Variants in IVL observed in about 807,000 individuals in gnomAD.
The protein encoded by IVL is involucrin.
For missense variants in IVL, 722 were observed against 624.9 expected (o/e 1.16, Z -1.66); for synonymous variants, 257 against 271.0 (o/e 0.95, Z 0.51).
In IVL at chr1:152,911,675, T is replaced by C. The variant is rs1472918581; in HGVS notation, c.*120T>C. ...TCATCTGTGAACTTGACTCTGTCCCTCTACATGTCTCTTTAATGGGGTGAG... is the reference window on the plus strand; with the variant it reads ...TCATCTGTGAACTTGACTCTGTCCCCCTACATGTCTCTTTAATGGGGTGAG... On this transcript the variant is annotated 3_prime_UTR_variant, in exon 2 of 2. Coordinates refer to ENST00000368764, the MANE Select transcript of IVL (RefSeq NM_005547.4). The C allele has an allele frequency of 2.1e-6, 2 of 942,120 alleles. No homozygotes were observed. Among genetic ancestry groups the C allele is most frequent in the East Asian group, 2.5e-5 (1 of 40,720 alleles). 58.4% of individuals were successfully genotyped at this position (942,120 alleles called of 1,614,324 possible). A position where few individuals can be genotyped will look rare whatever the true frequency, so the allele number is the denominator to read the frequency against.
Position 152,910,811 on chromosome 1 carries a change from G to T in IVL, c.1014G>T (p.Glu338Asp). 9 of 1,550,926 alleles carry T rather than the reference G, an allele frequency of 5.8e-6. No homozygotes were observed. Among genetic ancestry groups the T allele is most frequent in the Non-Finnish European group, 7.8e-6 (9 of 1,147,026 alleles). The change falls in exon 2 of 2, where the codon GAG (glutamate) becomes GAT (aspartate). Residue 338 changes from glutamate to aspartate, a missense_variant. By Grantham distance (45) the Glu-to-Asp change is conservative (BLOSUM62 2). Coordinates refer to ENST00000368764, the MANE Select transcript of IVL (RefSeq NM_005547.4). ...AGGGGCAACTGGAGCAGCTGGAGGAGCAGGAGGGGCAGCTGAAGCACCTGG... is the reference window on the plus strand; with the variant it reads ...AGGGGCAACTGGAGCAGCTGGAGGATCAGGAGGGGCAGCTGAAGCACCTGG... ...QQEGQLEQLE[E>D]QEGQLKHLEQ...
At position 152,911,313 on chromosome 1, in the gene IVL, C is replaced by G. The variant is rs141266953; in HGVS notation, c.1516C>G (p.Gln506Glu). 1.2e-4 allele frequency: 187 copies of G among 1,575,792 alleles called. No individual in the cohort carries two copies. Among genetic ancestry groups the G allele is most frequent in the Non-Finnish European group, 1.5e-4 (174 of 1,160,934 alleles). ...QVGQPKHLEQ[Q>E]EKHLEHPEQQ... ...AGGACAGCCAAAGCACCTGGAACAGCAGGAAAAGCACCTAGAGCACCCAGA... is the reference window on the plus strand; with the variant it reads ...AGGACAGCCAAAGCACCTGGAACAGGAGGAAAAGCACCTAGAGCACCCAGA... The change falls in exon 2 of 2, where the codon CAG becomes GAG. Residue 506 changes from glutamine (Q) to glutamate (E), a missense_variant. Gln to Glu is a conservative substitution (Grantham distance 29, BLOSUM62 2). Coordinates refer to ENST00000368764, the MANE Select transcript of IVL (RefSeq NM_005547.4).
Position 152,910,070 on chromosome 1 carries a change from C to T in IVL, c.273C>T (p.His91=), listed in dbSNP as rs1015904156. 6.2e-7 allele frequency: 1 copy of T among 1,614,062 alleles called. No individual in the cohort carries two copies. Among genetic ancestry groups the T allele is most frequent in the African/African-American group, 1.3e-5 (1 of 74,928 alleles). ...EPQEQELQQQ[H]WEQHEEYQKA... ...AGGAGCAGGAGCTGCAGCAACAGCA[C>T]TGGGAACAGCATGAGGAATATCAGA... The change falls in exon 2 of 2, where the codon CAC becomes CAT. Residue 91 remains histidine, a synonymous_variant. Transcript: ENST00000368764.
In IVL at chr1:152,911,237, G is replaced by A. The variant is rs1482597093; in HGVS notation, c.1440G>A (p.Val480=). Residue 480 remains valine (V), a synonymous_variant, in exon 2 of 2, where the codon GTG becomes GTA. Coordinates refer to ENST00000368764, the MANE Select transcript of IVL (RefSeq NM_005547.4). ...LELPEQQEGQ[V]KHLEKQEAQL... ...TCCCAGAGCAGCAAGAGGGCCAGGT[G>A]AAGCACCTGGAGAAGCAGGAGGCAC... The A allele has an allele frequency of 1.3e-6, 2 of 1,555,508 alleles. No homozygotes were observed. Among genetic ancestry groups the A allele is most frequent in the East Asian group, 2.4e-5 (1 of 41,616 alleles).
In IVL at chr1:152,911,133, C is replaced by T. The variant is rs770903615; in HGVS notation, c.1336C>T (p.Gln446Ter). Residue 446 changes from glutamine to a stop codon, truncating the protein, a stop_gained, in exon 2 of 2, where the codon CAG becomes TAG. Transcript: ENST00000368764. LOFTEE classifies it low-confidence loss of function (END_TRUNC). ...GGGACAACTGAAGCATCTGGAGCAG[C>T]AGCAGGGGCAGTTGGAGGTCCCAGA... Reference protein sequence around the residue: ...QEGQLKHLEQQQGQLEVPEQQ... With the variant: ...QEGQLKHLEQ 6 of 1,556,586 alleles carry T rather than the reference C, an allele frequency of 3.9e-6. No homozygotes were observed. The highest frequency in any genetic ancestry group is 2.0e-5 in the Admixed American group (1 of 50,842).
At position 152,911,552 on chromosome 1, in the gene IVL, A is replaced by G; in HGVS notation, c.1755A>G (p.Lys585=). Residue 585 remains lysine, a synonymous_variant, in exon 2 of 2, where the codon AAA becomes AAG. Coordinates refer to ENST00000368764, the MANE Select transcript of IVL (RefSeq NM_005547.4). Reference sequence around the variant, plus strand: ...AGGTGCAGTGGCCACCCAAACATAAATAACCACCCGCAGTGTCCAGAGGCC... The same window carrying G: ...AGGTGCAGTGGCCACCCAAACATAAGTAACCACCCGCAGTGTCCAGAGGCC... ...KQEVQWPPKH[K] 1 of 1,608,484 alleles carries G rather than the reference A, an allele frequency of 6.2e-7. No homozygotes were observed. The highest frequency in any genetic ancestry group is 8.5e-7 in the Non-Finnish European group (1 of 1,177,246).
chr1:152,909,717 C>G lies in IVL; in HGVS notation c.-19-62C>G. On this transcript the variant is annotated intron_variant, in intron 1 of 1. Transcript: ENST00000368764. ...AAAAAACCAGATACTTCTGCAGATT[C>G]CCAAGGTTTCATCTATTTCCTTTGC... The G allele has an allele frequency of 2.2e-6, 3 of 1,358,476 alleles. No homozygotes were observed. The East Asian group carries it at 7.0e-5, about 32-fold the overall frequency. 84.2% of individuals were successfully genotyped at this position (1,358,476 alleles called of 1,614,324 possible). A position where few individuals can be genotyped will look rare whatever the true frequency, so the allele number is the denominator to read the frequency against.
rs190623998 is a variant in IVL, at chr1:152,911,090, G to A, written c.1293G>A (p.Lys431=). 3.3e-5 allele frequency: 52 copies of A among 1,552,684 alleles called. No homozygotes were observed. In the Admixed American group the frequency reaches 7.5e-4, roughly 22 times the overall value. ...TGGAGCAGCAGGTGGGGCAGCTGAA[G>A]CACCTAGAGGAGCAGGAGGGACAAC... is the stretch of plus-strand genomic sequence containing the variant. ...EHLEQQVGQL[K]HLEEQEGQLK... Residue 431 remains lysine (K), a synonymous_variant, in exon 2 of 2, where the codon AAG becomes AAA. Transcript: ENST00000368764.
chr1:152,910,916 G>A lies in IVL; in HGVS notation c.1119G>A (p.Leu373=). Residue 373 remains leucine, a synonymous_variant, in exon 2 of 2, where the codon CTG becomes CTA. Coordinates refer to ENST00000368764, the MANE Select transcript of IVL (RefSeq NM_005547.4). ...LGLPEQQVLQ[L]KQLEKQQGQP... ...TCCCAGAGCAGCAGGTGCTGCAGCT[G>A]AAGCAGCTAGAGAAGCAGCAGGGGC... 2 of 1,549,646 alleles carry A rather than the reference G, an allele frequency of 1.3e-6. No individual in the cohort carries two copies. The highest frequency in any genetic ancestry group is 1.7e-6 in the Non-Finnish European group (2 of 1,146,584).
Position 152,909,916 on chromosome 1 carries a change from T to A in IVL, c.119T>A (p.Leu40Gln), listed in dbSNP as rs532183819. 1.2e-6 allele frequency: 2 copies of A among 1,614,156 alleles called. No homozygotes were observed. The highest frequency in any genetic ancestry group is 2.7e-5 in the African/African-American group (2 of 75,042). ...HQEQMKQPTP[L>Q]PPPCQKVPVE... is the part of the protein sequence containing the mutation. The stretch of plus-strand genomic sequence containing the variant: ...GAGCAAATGAAACAGCCAACTCCAC[T>A]GCCTCCCCCATGCCAGAAGGTGCCT... The change falls in exon 2 of 2, where the codon CTG becomes CAG. Residue 40 changes from leucine to glutamine, a missense_variant. Transcript: ENST00000368764.
chr1:152,909,513 C>A (rs1225772514), intron 1 of IVL, among the ~76,000 whole-genome samples: 2 of 152,128 alleles, frequency 1.3e-5, no homozygotes, highest in East Asian at 1.9e-4. Flanking sequence ...CCTGACCCAC[C>A]CTTGCAGAAC....
intron 1 of IVL, among the ~76,000 whole-genome samples, chr1:152,908,917 C>T (rs1056977295): frequency 6.6e-6 from 1 of 152,116 alleles, no homozygotes; most frequent in East Asian, 1.9e-4. Flanking sequence ...CATCATTTTG[C>T]CTTCTTTATG....
In IVL at chr1:152,911,575, G is replaced by A. The variant is rs1170728420; in HGVS notation, c.*20G>A. 14 of 1,582,222 alleles carry A rather than the reference G, an allele frequency of 8.8e-6. No homozygotes were observed. The highest frequency in any genetic ancestry group is 1.2e-5 in the Non-Finnish European group (14 of 1,164,660). ...AAATAACCACCCGCAGTGTCCAGAG[G>A]CCCTCAGATCGTCTCATACAAGGGA... is the stretch of plus-strand genomic sequence containing the variant. On this transcript the variant is annotated 3_prime_UTR_variant, in exon 2 of 2. Coordinates refer to ENST00000368764, the MANE Select transcript of IVL (RefSeq NM_005547.4).
chr1:152,910,003 G>C lies in IVL; in HGVS notation c.206G>C (p.Gly69Ala). ...GAAAAGCACATGACTGCTGTAAAGG[G>C]ACTGCCTGAGCAAGAATGTGAGCAA... The part of the protein sequence containing the change: ...QEEKHMTAVK[G>A]LPEQECEQQQ... The change falls in exon 2 of 2, where the codon GGA (glycine) becomes GCA (alanine). Residue 69 changes from glycine to alanine, a missense_variant. Gly to Ala is a moderately conservative substitution (Grantham distance 60). Transcript: ENST00000368764. 1 of 1,614,162 alleles carries C rather than the reference G, an allele frequency of 6.2e-7. No homozygotes were observed. The highest frequency in any genetic ancestry group is 8.5e-7 in the Non-Finnish European group (1 of 1,180,038).
chr1:152,909,880 A>T lies in IVL; in HGVS notation c.83A>T (p.Asn28Ile), dbSNP rs1250397496. The T allele has an allele frequency of 6.2e-7, 1 of 1,614,162 alleles. No homozygotes were observed. The highest frequency in any genetic ancestry group is 1.7e-5 in the Admixed American group (1 of 60,024). ...CTCAAGACTGTTCCTCCTCCAGTCA[A>T]TACCCATCAGGAGCAAATGAAACAG... ...ELLKTVPPPVNTHQEQMKQPT... is the reference protein window; with the variant it reads ...ELLKTVPPPVITHQEQMKQPT... The change falls in exon 2 of 2, where the codon AAT becomes ATT. Residue 28 changes from asparagine (N) to isoleucine (I), a missense_variant. By Grantham distance (149) the Asn-to-Ile change is moderately radical (BLOSUM62 -3). Transcript: ENST00000368764.
rs760000480 is a variant in IVL, at chr1:152,911,190, C to A, written c.1393C>A (p.Gln465Lys). ...QQVGQPKNLE[Q>K]EEKQLELPEQ... ...GGTGGGGCAGCCAAAGAACCTGGAG[C>A]AGGAGGAGAAGCAACTGGAGCTCCC... Residue 465 changes from glutamine to lysine, a missense_variant, in exon 2 of 2, where the codon CAG (glutamine) becomes AAG (lysine). Transcript: ENST00000368764. The A allele has an allele frequency of 2.7e-5, 42 of 1,559,096 alleles. No individual in the cohort carries two copies. The South Asian group carries it at 4.7e-4, about 18-fold the overall frequency.
intron 1 of IVL, among the ~76,000 whole-genome samples, chr1:152,909,304 A>C (rs1333095240): frequency 6.6e-6 from 1 of 152,154 alleles, no homozygotes; most frequent in Non-Finnish European, 1.5e-5. Flanking sequence ...TCCAGTCTGG[A>C]GGTCACACCA....
rs1426296453 is a variant in IVL, at chr1:152,910,931, G to A, written c.1134G>A (p.Lys378=). 1 of 1,550,584 alleles carries A rather than the reference G, an allele frequency of 6.4e-7. No homozygotes were observed. ...QQVLQLKQLE[K]QQGQPKHLEE... ...TGCTGCAGCTGAAGCAGCTAGAGAA[G>A]CAGCAGGGGCAGCCAAAGCACCTGG... Residue 378 remains lysine, a synonymous_variant, in exon 2 of 2, where the codon AAG becomes AAA. Coordinates refer to ENST00000368764, the MANE Select transcript of IVL (RefSeq NM_005547.4).
At position 152,910,934 on chromosome 1, in the gene IVL, G is replaced by T; in HGVS notation, c.1137G>T (p.Gln379His). 6.4e-7 allele frequency: 1 copy of T among 1,550,776 alleles called. No homozygotes were observed. Among genetic ancestry groups the T allele is most frequent in the Admixed American group, 2.0e-5 (1 of 50,964 alleles). Residue 379 changes from glutamine to histidine, a missense_variant, in exon 2 of 2, where the codon CAG becomes CAT. Gln to His is a conservative substitution (Grantham distance 24). Coordinates refer to ENST00000368764, the MANE Select transcript of IVL (RefSeq NM_005547.4). ...QVLQLKQLEK[Q>H]QGQPKHLEEE... is the part of the protein sequence containing the mutation. ...TGCAGCTGAAGCAGCTAGAGAAGCAGCAGGGGCAGCCAAAGCACCTGGAGG... is the reference window on the plus strand; with the variant it reads ...TGCAGCTGAAGCAGCTAGAGAAGCATCAGGGGCAGCCAAAGCACCTGGAGG...
Sources: allele counts gnomAD v4.1 joint callset (sites outside exome capture counted in the v4.1 genomes callset), GRCh38; gene constraint gnomAD v4.1.1; transcripts MANE v1.5; gene names NCBI Gene and HGNC (gene_info 2026-07-23, HGNC 2026-07-21).